The following AKAP19 variants were observed in gnomAD, a reference collection of about 807,000 sequenced individuals.
AKAP19 encodes the protein A-kinase anchoring protein 19, also known as small A-kinase anchoring protein.
chr2:189,904,266 G>A, the AKAP19 span, among the ~76,000 whole-genome samples: 1 of 151,954 alleles, frequency 6.6e-6, no homozygotes, highest in African/African-American at 2.4e-5. Flanking sequence ...AATCCTCGCA[G>A]CAATACTGTA....
chr2:189,905,886 A>G, the AKAP19 span, among the ~76,000 whole-genome samples: 1 of 152,056 alleles, frequency 6.6e-6, no homozygotes, highest in Non-Finnish European at 1.5e-5. Flanking sequence ...CTTTTACATT[A>G]ATTTTAGAAT....
chr2:190,128,553 G>C, the AKAP19 span, among the ~76,000 whole-genome samples: 1 of 152,134 alleles, frequency 6.6e-6, no homozygotes. Flanking sequence ...TATGCCCCAG[G>C]GCAGCCCATT....
At chr2:190,085,498 G>A in the AKAP19 span, among the ~76,000 whole-genome samples, 4 of 152,126 alleles carry the variant, frequency 2.6e-5, no homozygotes, top group Non-Finnish European at 5.9e-5. Context: ...ATCTAGTGAA[G>A]AGGGAATGAG....
the AKAP19 span, among the ~76,000 whole-genome samples, chr2:189,935,869 T>A: frequency 2.6e-5 from 4 of 152,078 alleles, no homozygotes; most frequent in Admixed American, 1.3e-4. Flanking sequence ...TTACAGCATA[T>A]AATAAATGAA....
the AKAP19 span, among the ~76,000 whole-genome samples, chr2:190,124,518 T>C: frequency 1.8e-4 from 28 of 152,282 alleles, no homozygotes; most frequent in East Asian, 5.2e-3. Context: ...AAGGCCAGCC[T>C]GGGCAAAATA....
the AKAP19 span, among the ~76,000 whole-genome samples, chr2:190,003,796 G>A: frequency 6.6e-6 from 1 of 152,092 alleles, no homozygotes; most frequent in African/African-American, 2.4e-5. Flanking sequence ...GAACCTGGGA[G>A]GCAGAGGTTG....
the AKAP19 span, among the ~76,000 whole-genome samples, chr2:189,999,893 G>A: frequency 1.3e-5 from 2 of 152,190 alleles, no homozygotes; most frequent in Non-Finnish European, 2.9e-5. Context: ...TGACTCTTAT[G>A]AAAGCCTCTG....
At chr2:190,114,076 G>A in the AKAP19 span, among the ~76,000 whole-genome samples, 1 of 152,180 alleles carries the variant, frequency 6.6e-6, no homozygotes, top group Non-Finnish European at 1.5e-5. Flanking sequence ...CCTAAGAGTA[G>A]GGAAAATAGC....
chr2:190,175,327 G>T, the AKAP19 span, among the ~76,000 whole-genome samples: 163 of 152,212 alleles, frequency 1.1e-3, 2 homozygotes, highest in East Asian at 0.021. Context: ...AACACAAAAA[G>T]GAATGCAGAA....
At chr2:190,153,751 A>G in the AKAP19 span, among the ~76,000 whole-genome samples, 1 of 152,210 alleles carries the variant, frequency 6.6e-6, no homozygotes, top group East Asian at 1.9e-4. Context: ...ATTGAGAAGG[A>G]ATCTCACTTG....
the AKAP19 span, among the ~76,000 whole-genome samples, chr2:190,174,146 T>G: frequency 6.6e-6 from 1 of 152,176 alleles, no homozygotes; most frequent in Non-Finnish European, 1.5e-5. Context: ...AACATAGCAG[T>G]AGGGACTAGC....
the AKAP19 span, among the ~76,000 whole-genome samples, chr2:190,010,611 A>T: frequency 6.6e-6 from 1 of 152,358 alleles, no homozygotes; most frequent in Non-Finnish European, 1.5e-5. Flanking sequence ...GATTAGTCAT[A>T]AATTCAAAGT....
the AKAP19 span, chr2:190,057,157 A>C: frequency 7.9e-7 from 1 of 1,271,908 alleles, no homozygotes; most frequent in African/African-American, 1.5e-5. Context: ...ACTGTAGCAT[A>C]CTCTAGGCCT....
the AKAP19 span, among the ~76,000 whole-genome samples, chr2:190,038,011 C>T: frequency 5.3e-5 from 8 of 152,240 alleles, no homozygotes; most frequent in African/African-American, 1.9e-4. Flanking sequence ...AGCAGAGAAG[C>T]TTTGGCATTG....
At chr2:190,147,497 A>G in the AKAP19 span, among the ~76,000 whole-genome samples, 1 of 152,148 alleles carries the variant, frequency 6.6e-6, no homozygotes, top group Non-Finnish European at 1.5e-5. Flanking sequence ...TTTTGGTTCC[A>G]TGTGAATTTT....
chr2:190,000,466 T>C, the AKAP19 span, among the ~76,000 whole-genome samples: 3 of 152,224 alleles, frequency 2.0e-5, no homozygotes, highest in African/African-American at 7.2e-5. Flanking sequence ...TTGCTATTTG[T>C]TGGGGAACCC....
At chr2:190,072,428 A>T in the AKAP19 span, among the ~76,000 whole-genome samples, 1 of 152,206 alleles carries the variant, frequency 6.6e-6, no homozygotes, top group African/African-American at 2.4e-5. Context: ...AATAAAAAAA[A>T]TAATAGTAGT....
the AKAP19 span, among the ~76,000 whole-genome samples, chr2:190,136,631 C>A: frequency 6.6e-6 from 1 of 152,140 alleles, no homozygotes; most frequent in African/African-American, 2.4e-5. Flanking sequence ...CTATTCTCCC[C>A]CAAAGGTATG....
the AKAP19 span, among the ~76,000 whole-genome samples, chr2:189,929,629 C>G: frequency 9.9e-5 from 15 of 152,014 alleles, no homozygotes; most frequent in East Asian, 2.1e-3. Flanking sequence ...TTGAATTCTG[C>G]ATTTCCTGAC....
Sources: gnomAD v4.1 joint callset for allele counts (sites outside exome capture counted in the v4.1 genomes callset) on GRCh38, gnomAD v4.1.1 for gene constraint, MANE v1.5 for transcripts, NCBI Gene and HGNC (gene_info 2026-07-23, HGNC 2026-07-21) for gene names.